The following MGAT5B variants were observed in gnomAD, a reference collection of about 807,000 sequenced individuals.
MGAT5B encodes the protein alpha-1,6-mannosylglycoprotein 6-beta-N-acetylglucosaminyltransferase B.
In MGAT5B, 54 loss-of-function variants were observed where a neutral mutation model predicts 95.1. The ratio of observed to expected loss-of-function variants is 0.57; its 90% CI spans 0.46 to 0.71. The LOEUF is 0.71. Ranked by LOEUF, MGAT5B falls within the 30% of genes least tolerant of loss-of-function variation. The pLI is 0.00. For synonymous variants in MGAT5B, 464 were observed against 451.0 expected (o/e 1.03, Z -0.36); for missense variants, 935 against 1,088.6 (o/e 0.86, Z 1.99).
Position 76,938,130 on chromosome 17 carries a change from T to G in MGAT5B, c.1571T>G (p.Leu524Arg). 1 of 1,614,114 alleles carries G rather than the reference T, an allele frequency of 6.2e-7. No homozygotes were observed. Among genetic ancestry groups the G allele is most frequent in the Non-Finnish European group, 8.5e-7 (1 of 1,180,010 alleles). ...CCGCAGCCTGAGTTTCAGCAGCTGC[T>G]GCGCAAGGCCAAAGTGAGCTCCCAT... Reference protein sequence around the residue: ...LLPQPEFQQLLRKAKLFIGFG... With the variant: ...LLPQPEFQQLRRKAKLFIGFG... Residue 524 changes from leucine (L) to arginine (R), a missense_variant, in exon 13 of 18, where the codon CTG becomes CGG. This residue lies in a region of MGAT5B where 440 missense variants were observed against 523.6 expected (regional missense o/e 0.84). Coordinates refer to ENST00000569840, the MANE Select transcript of MGAT5B (RefSeq NM_001199172.2). The surrounding 1 kb of genome is among the most constrained non-coding windows in gnomAD (Gnocchi z 4.3).
chr17:76,899,130 G>A (rs537790098), intron 3 of MGAT5B, among the ~76,000 whole-genome samples: 2 of 152,348 alleles, frequency 1.3e-5, no homozygotes, highest in Admixed American at 6.5e-5. Context: ...GTTGAGGTCC[G>A]TTCCAAAGTC....
At chr17:76,939,029 G>GGGGGGGGGGTGTGT (rs1237086611) in intron 13 of MGAT5B, among the ~76,000 whole-genome samples, 1 of 128,190 alleles carries the variant, frequency 7.8e-6, no homozygotes, top group African/African-American at 3.1e-5. Context: ...GCATCTTGGG[G>GGGGGGGGGGTGTGT]GTGTGTGTGT....
rs1013121351 is a variant in MGAT5B at position 76,940,313 on chromosome 17, C to T, written c.1585-89C>T. The T allele has an allele frequency of 1.5e-5, 21 of 1,446,166 alleles. No homozygotes were observed. The highest frequency in any genetic ancestry group is 2.9e-5 in the African/African-American group (2 of 70,102). 89.6% of individuals were successfully genotyped at this position (1,446,166 alleles called of 1,614,324 possible). On this transcript the variant is annotated intron_variant, in intron 13 of 17. Coordinates refer to ENST00000569840, the MANE Select transcript of MGAT5B (RefSeq NM_001199172.2). This position sits in a 1 kb window ranked among gnomAD's most constrained non-coding sequence, Gnocchi z 4.3. ...GCCCAGCTGCCTCCTGTGAATATCC[C>T]GAAGCCTCACCTTGTCCCCGGCATC... is the stretch of plus-strand genomic sequence containing the variant.
intron 9 of MGAT5B, 73 bp downstream of exon 9, chr17:76,925,170 C>G: frequency 6.3e-7 from 1 of 1,585,336 alleles, no homozygotes; most frequent in South Asian, 1.1e-5. Flanking sequence ...ACGCCCTGCC[C>G]CCACGTCCCC....
rs980284062 is a variant in MGAT5B, at chr17:76,868,935, C to T, written c.-95C>T. 262 of 1,276,608 alleles carry T rather than the reference C, an allele frequency of 2.1e-4. No homozygotes were observed. Among genetic ancestry groups the T allele is most frequent in the Non-Finnish European group, 2.7e-4 (243 of 894,778 alleles). 79.1% of individuals were successfully genotyped at this position (1,276,608 alleles called of 1,614,324 possible). Reference sequence around the variant, plus strand: ...AGCTTCGCTCGGACGCGGCTTCGGCCCGCAGAGGGTTCGTGGCCCGGACGC... The same window carrying T: ...AGCTTCGCTCGGACGCGGCTTCGGCTCGCAGAGGGTTCGTGGCCCGGACGC... On this transcript the variant is annotated 5_prime_UTR_variant, in exon 1 of 18. Transcript: ENST00000569840. This position sits in a 1 kb window ranked among gnomAD's most constrained non-coding sequence, Gnocchi z 6.3.
chr17:76,938,017 C>A lies in MGAT5B; in HGVS notation c.1458C>A (p.Asn486Lys), dbSNP rs1406372746. ...AGGAGAAGTTCCTGGGCATCCTGAA[C>A]AAATACATGGAGATCCATGGCACCG... ...QGKEKFLGIL[N>K]KYMEIHGTVY... The change falls in exon 13 of 18, where the codon AAC becomes AAA. Residue 486 changes from asparagine (N) to lysine (K), a missense_variant. Coordinates refer to ENST00000569840, the MANE Select transcript of MGAT5B (RefSeq NM_001199172.2). This position sits in a 1 kb window ranked among gnomAD's most constrained non-coding sequence, Gnocchi z 4.3. 1 of 1,614,168 alleles carries A rather than the reference C, an allele frequency of 6.2e-7. No homozygotes were observed. Among genetic ancestry groups the A allele is most frequent in the Admixed American group, 1.7e-5 (1 of 60,024 alleles).
chr17:76,878,563 C>T (rs749792695), intron 2 of MGAT5B, among the ~76,000 whole-genome samples: 3 of 152,198 alleles, frequency 2.0e-5, no homozygotes, highest in Non-Finnish European at 4.4e-5. Flanking sequence ...CAGCCTCAAT[C>T]TCATGGGCTC....
At chr17:76,893,711 A>C (rs1319680702) in intron 3 of MGAT5B, among the ~76,000 whole-genome samples, 2 of 151,536 alleles carry the variant, frequency 1.3e-5, no homozygotes, top group African/African-American at 2.4e-5. Flanking sequence ...TGCCTGGGAA[A>C]CTCCTTCTGC....
In MGAT5B at chr17:76,869,300, G is replaced by T. The variant is rs549250225; in HGVS notation, c.68+203G>T. 1.3e-5 allele frequency among the ~76,000 whole-genome samples: 2 copies of T among 152,034 alleles called. No homozygotes were observed. The highest frequency in any genetic ancestry group is 2.9e-5 in the Non-Finnish European group (2 of 67,990). Reference sequence around the variant, plus strand: ...GATGGGGAGGGTTGTGTTATTCGGGGACCTGTCCCGAGTTGGGCAGGGTTG... The same window carrying T: ...GATGGGGAGGGTTGTGTTATTCGGGTACCTGTCCCGAGTTGGGCAGGGTTG... On this transcript the variant is annotated intron_variant, in intron 1 of 17. Transcript: ENST00000569840. The surrounding 1 kb of genome is among the most constrained non-coding windows in gnomAD (Gnocchi z 7.0).
intron 10 of MGAT5B, among the ~76,000 whole-genome samples, chr17:76,927,849 G>C (rs1020327334): frequency 4.6e-5 from 7 of 152,374 alleles, no homozygotes; most frequent in Admixed American, 3.9e-4. Context: ...CAGAAAGCTA[G>C]ATAAGTAGCC....
At chr17:76,911,285 A>G (rs914891019) in intron 8 of MGAT5B, among the ~76,000 whole-genome samples, 1 of 152,210 alleles carries the variant, frequency 6.6e-6, no homozygotes, top group African/African-American at 2.4e-5. Flanking sequence ...GGGTTGGGAC[A>G]TTGTAGAATG....
intron 2 of MGAT5B, among the ~76,000 whole-genome samples, chr17:76,880,691 C>T (rs112494925): frequency 1.3e-5 from 2 of 152,224 alleles, no homozygotes; most frequent in Non-Finnish European, 2.9e-5. Context: ...CAGGGGTCAG[C>T]GGGCAGAGGC....
At chr17:76,907,104 T>C (rs562059997) in intron 8 of MGAT5B, among the ~76,000 whole-genome samples, 4 of 151,596 alleles carry the variant, frequency 2.6e-5, no homozygotes, top group Non-Finnish European at 5.9e-5. Context: ...CAGGCTGGAG[T>C]GCAGTGGCGT....
intron 3 of MGAT5B, among the ~76,000 whole-genome samples, chr17:76,898,611 T>C (rs1598925288): frequency 6.6e-6 from 1 of 152,098 alleles, no homozygotes; most frequent in Non-Finnish European, 1.5e-5. Flanking sequence ...CCCATAATCT[T>C]TTTTATTTGG....
intron 3 of MGAT5B, among the ~76,000 whole-genome samples, chr17:76,887,449 T>TC (rs1967680181): frequency 6.8e-5 from 3 of 44,034 alleles, no homozygotes; most frequent in African/African-American, 2.7e-4. Flanking sequence ...CTCCCTCCCT[T>TC]CCTTCCTCCC....
At chr17:76,901,677 TC>T (rs1968319411) in intron 3 of MGAT5B, among the ~76,000 whole-genome samples, 1 of 152,228 alleles carries the variant, frequency 6.6e-6, no homozygotes, top group East Asian at 1.9e-4. Flanking sequence ...GGATTTGTTC[TC>T]AGGAAGCCAG....
At position 76,932,470 on chromosome 17, in the gene MGAT5B, C is replaced by T. The variant is rs961784660; in HGVS notation, c.1292-175C>T. Among the ~76,000 whole-genome samples, 6 of 152,070 alleles carry T rather than the reference C, an allele frequency of 3.9e-5. 1 individual carries two copies. In the South Asian group the frequency reaches 8.3e-4, roughly 21 times the overall value. On this transcript the variant is annotated intron_variant, in intron 10 of 17. Transcript: ENST00000569840. ...CAGCTCTGATCTTTGTAGCAGTCTC[C>T]GGGAAGGGGGTCACAGGCCGGGGCA...
chr17:76,882,183 C>A lies in MGAT5B; in HGVS notation c.214C>A (p.Arg72Ser). 6.2e-7 allele frequency: 1 copy of A among 1,613,166 alleles called. No individual in the cohort carries two copies. The highest frequency in any genetic ancestry group is 8.5e-7 in the Non-Finnish European group (1 of 1,179,674). ...GGGCCCCGAGTCCCGCGGCGTCCTG[C>A]GCAAGATGAGCGACCTGCTGGAGCT... ...MGGPESRGVL[R>S]KMSDLLELMV... is the part of the protein sequence containing the mutation. Residue 72 changes from arginine (R) to serine (S), a missense_variant, in exon 3 of 18, where the codon CGC becomes AGC. Coordinates refer to ENST00000569840, the MANE Select transcript of MGAT5B (RefSeq NM_001199172.2).
rs753834110 is a variant in MGAT5B, at chr17:76,872,928, G to A, written c.146G>A (p.Arg49His). ...TSLGGQFSARRLGDSPFTIRT... is the reference protein window; with the variant it reads ...TSLGGQFSARHLGDSPFTIRT... ...CTGGGAGGCCAGTTCTCGGCCCGGC[G>A]CCTGGGGGACTCGCCATTCACCATC... The change falls in exon 2 of 18, where the codon CGC becomes CAC. Residue 49 changes from arginine to histidine, a missense_variant. Physicochemically the swap from Arg to His is conservative, Grantham distance 29. Coordinates refer to ENST00000569840, the MANE Select transcript of MGAT5B (RefSeq NM_001199172.2). The A allele has an allele frequency of 1.9e-5, 30 of 1,613,984 alleles. No homozygotes were observed. The highest frequency in any genetic ancestry group is 1.7e-4 in the African/African-American group (13 of 74,930).
Sources: gnomAD v4.1 joint callset for allele counts (sites outside exome capture counted in the v4.1 genomes callset) on GRCh38, gnomAD v4.1.1 for gene constraint, gnomAD v4.1.1 regional missense constraint, Gnocchi (gnomAD v3.1) non-coding constraint, MANE v1.5 for transcripts, NCBI Gene and HGNC (gene_info 2026-07-23, HGNC 2026-07-21) for gene names.